The following FMNL2 variants were observed in gnomAD, a reference collection of about 807,000 sequenced individuals.
The protein encoded by FMNL2 is formin like 2, also known as formin-like protein 2.
Under a neutral mutation model 130.2 loss-of-function variants are expected in FMNL2, and 51 were observed. That is an observed-to-expected ratio of 0.39 (90% CI 0.31 to 0.49). FMNL2 has a LOEUF of 0.49. FMNL2 is among the 20% of genes least tolerant of loss of function. The pLI, the probability that FMNL2 is intolerant of heterozygous loss-of-function variation, is 0.85. For synonymous variants in FMNL2, 465 were observed against 467.1 expected, an observed-to-expected ratio of 1.00 and a Z score of 0.06; for missense variants, 977 against 1,316.2, an observed-to-expected ratio of 0.74 and a Z score of 3.99.
At chr2:152,336,720 G>A (rs543324296) in intron 1 of FMNL2, among the ~76,000 whole-genome samples, 1 of 152,114 alleles carries the variant, frequency 6.6e-6, no homozygotes, top group African/African-American at 2.4e-5. Context: ...CTCTTCTAAG[G>A]GATGTTGGGA....
intron 10 of FMNL2, among the ~76,000 whole-genome samples, chr2:152,610,269 CCA>C (rs1274391837): frequency 6.6e-6 from 1 of 152,120 alleles, no homozygotes; most frequent in East Asian, 1.9e-4. Context: ...ATAATAATTT[CCA>C]CAGTTTATCT....
At chr2:152,340,649 C>T (rs996450981) in intron 1 of FMNL2, among the ~76,000 whole-genome samples, 3 of 152,144 alleles carry the variant, frequency 2.0e-5, no homozygotes, top group Non-Finnish European at 2.9e-5. Context: ...ACTCCAAATG[C>T]GAAACCTGTG....
At chr2:152,463,502 A>AATTTGCCTTT (rs1355283713) in intron 1 of FMNL2, among the ~76,000 whole-genome samples, 1 of 152,178 alleles carries the variant, frequency 6.6e-6, no homozygotes, top group East Asian at 1.9e-4. Flanking sequence ...GCCTGAGTGC[A>AATTTGCCTTT]ATTTGCCTTT....
At chr2:152,420,987 A>G (rs1194734128) in intron 1 of FMNL2, among the ~76,000 whole-genome samples, 1 of 152,162 alleles carries the variant, frequency 6.6e-6, no homozygotes, top group Non-Finnish European at 1.5e-5. Context: ...TTCTGCAAGG[A>G]TTGTAGGGTA....
chr2:152,398,521 G>T (rs1327209138), intron 1 of FMNL2, among the ~76,000 whole-genome samples: 3 of 152,168 alleles, frequency 2.0e-5, no homozygotes, highest in African/African-American at 7.2e-5. Flanking sequence ...TCAAACTGAT[G>T]ATTTTTGGAT....
At chr2:152,553,415 A>G (rs1695039894) in intron 4 of FMNL2, among the ~76,000 whole-genome samples, 1 of 152,116 alleles carries the variant, frequency 6.6e-6, no homozygotes, top group Non-Finnish European at 1.5e-5. Flanking sequence ...TCCCTGTTTT[A>G]TGGATGAGAA....
intron 9 of FMNL2, among the ~76,000 whole-genome samples, chr2:152,589,078 G>T (rs1697240530): frequency 6.9e-6 from 1 of 144,526 alleles, no homozygotes; most frequent in African/African-American, 2.7e-5. Flanking sequence ...CTTCAGGACT[G>T]CCCTTTTTTG....
chr2:152,374,242 G>T (rs1244606808), intron 1 of FMNL2, among the ~76,000 whole-genome samples: 1 of 152,144 alleles, frequency 6.6e-6, no homozygotes, highest in Non-Finnish European at 1.5e-5. Context: ...TTCCAAAGTG[G>T]AAGAATAACC....
chr2:152,538,978 T>C (rs1261368339), intron 2 of FMNL2, among the ~76,000 whole-genome samples: 6 of 152,320 alleles, frequency 3.9e-5, no homozygotes, highest in Admixed American at 3.9e-4. Context: ...CCTCTAAATA[T>C]TAGAATTTTA....
chr2:152,390,297 G>A (rs1685039088), intron 1 of FMNL2: 1 of 1,308,522 alleles, frequency 7.6e-7, no homozygotes, highest in African/African-American at 1.4e-5. Flanking sequence ...AATCATCGAT[G>A]GGGAGCTCTA....
chr2:152,597,797 A>G (rs1254523743), intron 9 of FMNL2, among the ~76,000 whole-genome samples: 3 of 152,206 alleles, frequency 2.0e-5, no homozygotes, highest in Non-Finnish European at 4.4e-5. Flanking sequence ...ACCCAAATCC[A>G]TTCTCTGCTG....
chr2:152,525,431 C>A (rs1038771863), intron 2 of FMNL2, among the ~76,000 whole-genome samples: 10 of 152,134 alleles, frequency 6.6e-5, no homozygotes, highest in Non-Finnish European at 8.8e-5. Context: ...CATCCCTATG[C>A]TGGGTTATAA....
chr2:152,372,448 G>T (rs1426554028), intron 1 of FMNL2, among the ~76,000 whole-genome samples: 2 of 152,176 alleles, frequency 1.3e-5, no homozygotes, highest in African/African-American at 2.4e-5. Context: ...GGAGGATTTG[G>T]TTTATTTTTA....
intron 1 of FMNL2, among the ~76,000 whole-genome samples, chr2:152,436,627 T>C (rs569713670): frequency 6.6e-6 from 1 of 152,268 alleles, no homozygotes; most frequent in East Asian, 1.9e-4. Context: ...TGAATCTAGC[T>C]GGCCTATGAA....
chr2:152,581,139 A>G (rs1162170396), intron 9 of FMNL2, 90 bp downstream of exon 9: 2 of 1,129,374 alleles, frequency 1.8e-6, no homozygotes, highest in Non-Finnish European at 2.6e-6. Context: ...CATTTATCCT[A>G]GGGCCTAAGG....
chr2:152,401,727 C>T (rs953727116), intron 1 of FMNL2, among the ~76,000 whole-genome samples: 1 of 151,872 alleles, frequency 6.6e-6, no homozygotes, highest in African/African-American at 2.4e-5. Context: ...TCCAGGTGCT[C>T]CTCTCCTGCC....
At chr2:152,455,105 A>G (rs995220270) in intron 1 of FMNL2, among the ~76,000 whole-genome samples, 1 of 152,164 alleles carries the variant, frequency 6.6e-6, no homozygotes, top group Non-Finnish European at 1.5e-5. Context: ...TCAAATGAGC[A>G]TCCCTGGAAC....
intron 1 of FMNL2, among the ~76,000 whole-genome samples, chr2:152,481,544 T>C (rs1359079855): frequency 1.3e-5 from 2 of 152,224 alleles, no homozygotes. Flanking sequence ...TTTAATTTGT[T>C]TGGGGTGGAG....
chr2:152,520,466 G>T (rs1299917227), intron 1 of FMNL2, among the ~76,000 whole-genome samples: 1 of 151,932 alleles, frequency 6.6e-6, no homozygotes, highest in East Asian at 1.9e-4. Flanking sequence ...ATGGTGGCAA[G>T]CTCCTGTAAT....
Sources: allele counts gnomAD v4.1 joint callset (sites outside exome capture counted in the v4.1 genomes callset), GRCh38; gene constraint gnomAD v4.1.1; transcripts MANE v1.5; gene names NCBI Gene and HGNC (gene_info 2026-07-23, HGNC 2026-07-21).